CTNND2: variants seen among roughly 807,000 people sequenced by gnomAD.
The protein encoded by CTNND2 is catenin delta-2.
CTNND2 carries 22 observed loss-of-function variants against 144.4 expected under a neutral mutation model. That is an observed-to-expected ratio of 0.15 (90% CI 0.11 to 0.22). The LOEUF is 0.22. Ranked by LOEUF, CTNND2 falls within the 10% of genes least tolerant of loss-of-function variation. The probability of loss-of-function intolerance (pLI) is 1.00; values close to 1 mark genes in which losing one functional copy is unlikely to be tolerated. For missense variants in CTNND2, 1,353 were observed against 1,618.8 expected (o/e 0.84, Z 2.82); for synonymous variants, 751 against 695.6 (o/e 1.08, Z -1.25).
chr5:11,720,035 T>C (rs1786578663), intron 2 of CTNND2, among the ~76,000 whole-genome samples: 1 of 152,184 alleles, frequency 6.6e-6, no homozygotes, highest in African/African-American at 2.4e-5. Flanking sequence ...GAATTGCATC[T>C]CAGCACATTT....
intron 1 of CTNND2, among the ~76,000 whole-genome samples, chr5:11,889,194 C>T (rs750069826): frequency 6.6e-6 from 1 of 152,184 alleles, no homozygotes; most frequent in Non-Finnish European, 1.5e-5. Flanking sequence ...GTCAACCATG[C>T]AGCTGAAGAT....
intron 2 of CTNND2, among the ~76,000 whole-genome samples, chr5:11,710,832 A>G (rs916489376): frequency 1.3e-5 from 2 of 152,242 alleles, no homozygotes; most frequent in African/African-American, 4.8e-5. Flanking sequence ...TATGTGCATC[A>G]AAGCTTTTGC....
intron 3 of CTNND2, among the ~76,000 whole-genome samples, chr5:11,501,769 G>A (rs1311429854): frequency 6.6e-6 from 1 of 151,842 alleles, no homozygotes; most frequent in Non-Finnish European, 1.5e-5. Context: ...AGCACTTTGG[G>A]AGGCCGAGAC....
At chr5:11,310,869 T>A (rs1001557729) in intron 9 of CTNND2, among the ~76,000 whole-genome samples, 1 of 137,008 alleles carries the variant, frequency 7.3e-6, no homozygotes, top group Non-Finnish European at 1.5e-5. Flanking sequence ...ATACACTCAC[T>A]CTCCATGCAC....
intron 12 of CTNND2, among the ~76,000 whole-genome samples, chr5:11,145,988 C>T (rs773210507): frequency 3.3e-5 from 5 of 152,184 alleles, no homozygotes; most frequent in African/African-American, 9.7e-5. Flanking sequence ...CTTCTTCCCC[C>T]GGACAGACTC....
intron 1 of CTNND2, among the ~76,000 whole-genome samples, chr5:11,758,171 A>C (rs1789054872): frequency 6.6e-6 from 1 of 151,968 alleles, no homozygotes; most frequent in Non-Finnish European, 1.5e-5. Flanking sequence ...GAAATCCTGA[A>C]GATGCCATCT....
chr5:11,778,553 CAG>C (rs1238689101), intron 1 of CTNND2, among the ~76,000 whole-genome samples: 1 of 152,128 alleles, frequency 6.6e-6, no homozygotes, highest in African/African-American at 2.4e-5. Context: ...ATGTGGAAAA[CAG>C]AAAAATCCTG....
At chr5:11,799,858 C>G (rs1052060841) in intron 1 of CTNND2, among the ~76,000 whole-genome samples, 1 of 152,092 alleles carries the variant, frequency 6.6e-6, no homozygotes, top group African/African-American at 2.4e-5. Context: ...CAAAGTCACA[C>G]AACACACAAA....
chr5:11,544,058 T>C (rs1442009717), intron 3 of CTNND2, among the ~76,000 whole-genome samples: 3 of 152,168 alleles, frequency 2.0e-5, no homozygotes, highest in Non-Finnish European at 2.9e-5. Context: ...ACACTGAAGA[T>C]TGTTGAATTA....
intron 3 of CTNND2, among the ~76,000 whole-genome samples, chr5:11,474,109 C>T (rs1471073027): frequency 6.6e-6 from 1 of 152,184 alleles, no homozygotes; most frequent in African/African-American, 2.4e-5. Context: ...TGACATTTGT[C>T]TGGAGAAAAA....
intron 3 of CTNND2, among the ~76,000 whole-genome samples, chr5:11,455,899 T>C (rs893942321): frequency 5.3e-5 from 8 of 152,244 alleles, no homozygotes; most frequent in African/African-American, 1.7e-4. Flanking sequence ...AGATTACTTA[T>C]GCTGTTAGAT....
chr5:11,626,164 G>A (rs189488154), intron 2 of CTNND2, among the ~76,000 whole-genome samples: 60 of 152,204 alleles, frequency 3.9e-4, no homozygotes, highest in Non-Finnish European at 7.4e-4. Flanking sequence ...GATTTCCATT[G>A]TAACCTCAGC....
At chr5:11,024,712 G>C (rs545272091) in intron 16 of CTNND2, among the ~76,000 whole-genome samples, 17 of 152,196 alleles carry the variant, frequency 1.1e-4, no homozygotes, top group Non-Finnish European at 1.5e-4. Flanking sequence ...AACCAAAAAT[G>C]AAGAGAGGGT....
intron 5 of CTNND2, among the ~76,000 whole-genome samples, chr5:11,401,416 A>T (rs1760639679): frequency 6.6e-6 from 1 of 152,230 alleles, no homozygotes; most frequent in South Asian, 2.1e-4. Context: ...CCAGAGGTCT[A>T]CAATGTGGCA....
At chr5:11,205,837 A>G (rs1451382257) in intron 10 of CTNND2, among the ~76,000 whole-genome samples, 1 of 152,182 alleles carries the variant, frequency 6.6e-6, no homozygotes, top group Non-Finnish European at 1.5e-5. Context: ...TTCTTTCTCA[A>G]TTGTGTTTTC....
At chr5:11,071,154 G>A (rs151167942) in intron 16 of CTNND2, among the ~76,000 whole-genome samples, 9 of 152,290 alleles carry the variant, frequency 5.9e-5, no homozygotes, top group African/African-American at 9.6e-5. Context: ...AAATGCTGCC[G>A]GAAGGTTCCA....
intron 2 of CTNND2, among the ~76,000 whole-genome samples, chr5:11,572,826 C>A (rs952332705): frequency 7.9e-5 from 12 of 152,142 alleles, no homozygotes; most frequent in Admixed American, 2.6e-4. Flanking sequence ...AATGAAACAG[C>A]AATTCTGTAT....
chr5:11,392,398 G>A (rs1759713674), intron 6 of CTNND2, among the ~76,000 whole-genome samples: 1 of 152,208 alleles, frequency 6.6e-6, no homozygotes, highest in African/African-American at 2.4e-5. Context: ...AATACGTAAG[G>A]AGAGATTTCT....
intron 1 of CTNND2, among the ~76,000 whole-genome samples, chr5:11,808,846 T>A (rs1792153639): frequency 6.6e-6 from 1 of 152,196 alleles, no homozygotes; most frequent in Admixed American, 6.6e-5. Context: ...GTATTTATTA[T>A]CTGAAAAGAT....
Sources: gnomAD v4.1 joint callset for allele counts (sites outside exome capture counted in the v4.1 genomes callset) on GRCh38, gnomAD v4.1.1 for gene constraint, MANE v1.5 for transcripts, NCBI Gene and HGNC (gene_info 2026-07-23, HGNC 2026-07-21) for gene names.